NEGR1: variants seen among roughly 807,000 people sequenced by gnomAD.
NEGR1 encodes neuronal growth regulator 1, also known as IgLON family member 4.
NEGR1 carries 10 observed loss-of-function variants against 40.9 expected under a neutral mutation model. The ratio of observed to expected loss-of-function variants is 0.24; its 90% confidence interval spans 0.15 to 0.42. NEGR1 has a LOEUF of 0.42. Ranked by LOEUF, NEGR1 falls within the 10% of genes least tolerant of loss-of-function variation. The pLI is 1.00. For missense variants in NEGR1, 352 were observed against 438.9 expected (o/e 0.80, Z 1.77); for synonymous variants, 185 against 166.8 (o/e 1.11, Z -0.84).
chr1:71,438,441 A>G (rs570452607), intron 6 of NEGR1, among the ~76,000 whole-genome samples: 31 of 152,310 alleles, frequency 2.0e-4, no homozygotes, highest in African/African-American at 7.2e-4. Context: ...TACTCTGCAT[A>G]ATAATAAGCT....
At chr1:72,152,671 C>G (rs557021992) in intron 1 of NEGR1, among the ~76,000 whole-genome samples, 7 of 151,876 alleles carry the variant, frequency 4.6e-5, no homozygotes, top group Non-Finnish European at 1.0e-4. Context: ...TAAGCATGTA[C>G]TTATATGTTC....
At chr1:71,876,296 T>C (rs1297743324) in intron 2 of NEGR1, among the ~76,000 whole-genome samples, 1 of 152,040 alleles carries the variant, frequency 6.6e-6, no homozygotes, top group Non-Finnish European at 1.5e-5. Flanking sequence ...GGATCACTTG[T>C]GCTCAGGAGT....
chr1:72,207,928 A>T (rs1653468852), intron 1 of NEGR1, among the ~76,000 whole-genome samples: 1 of 151,806 alleles, frequency 6.6e-6, no homozygotes, highest in African/African-American at 2.4e-5. Context: ...AAAATTTTTC[A>T]ATAATTTTGA....
At chr1:72,244,237 T>C (rs563382224) in intron 1 of NEGR1, among the ~76,000 whole-genome samples, 1 of 151,972 alleles carries the variant, frequency 6.6e-6, no homozygotes, top group South Asian at 2.1e-4. Flanking sequence ...AATTGTAAGA[T>C]ATACACCTTT....
intron 6 of NEGR1, among the ~76,000 whole-genome samples, chr1:71,434,814 G>A (rs544930882): frequency 2.0e-4 from 30 of 152,280 alleles, no homozygotes; most frequent in Non-Finnish European, 3.2e-4. Context: ...GGGGGAGGCC[G>A]GGCGCGGTGG....
chr1:71,952,032 G>A (rs890987084), intron 1 of NEGR1, among the ~76,000 whole-genome samples: 1 of 151,492 alleles, frequency 6.6e-6, no homozygotes, highest in African/African-American at 2.4e-5. Flanking sequence ...CTCTCTCCTT[G>A]GGCCTTTCTA....
At chr1:71,759,535 G>A (rs1394501111) in intron 3 of NEGR1, among the ~76,000 whole-genome samples, 3 of 144,052 alleles carry the variant, frequency 2.1e-5, no homozygotes, top group Non-Finnish European at 3.0e-5. Flanking sequence ...CTGATCTCGC[G>A]ATCCACTCGC....
chr1:71,914,733 A>G (rs888547237), intron 2 of NEGR1, among the ~76,000 whole-genome samples: 5 of 152,082 alleles, frequency 3.3e-5, no homozygotes, highest in Admixed American at 3.3e-4. Context: ...GAGGATTGAG[A>G]GCTACCACAG....
At chr1:71,901,666 A>ATT (rs33958971) in intron 2 of NEGR1, among the ~76,000 whole-genome samples, 45 of 115,850 alleles carry the variant, frequency 3.9e-4, no homozygotes, top group Middle Eastern at 5.1e-3. Flanking sequence ...TGAGATATAA[A>ATT]TTTTTTTTTT....
intron 1 of NEGR1, among the ~76,000 whole-genome samples, chr1:71,953,724 C>G (rs1646093304): frequency 6.6e-6 from 1 of 151,984 alleles, no homozygotes; most frequent in Non-Finnish European, 1.5e-5. Flanking sequence ...AACCACCACT[C>G]TGACCAGTCA....
chr1:72,061,854 C>T (rs1232254072), intron 1 of NEGR1, among the ~76,000 whole-genome samples: 2 of 151,686 alleles, frequency 1.3e-5, no homozygotes, highest in Admixed American at 6.6e-5. Flanking sequence ...GGATTGTGAA[C>T]GATGCCCACC....
At chr1:71,696,745 C>T (rs1653486599) in intron 4 of NEGR1, among the ~76,000 whole-genome samples, 1 of 151,808 alleles carries the variant, frequency 6.6e-6, no homozygotes, top group Non-Finnish European at 1.5e-5. Context: ...TCTTAAAATT[C>T]AGGTTTCCAG....
At chr1:72,104,524 T>A (rs1303417816) in intron 1 of NEGR1, among the ~76,000 whole-genome samples, 5 of 152,124 alleles carry the variant, frequency 3.3e-5, no homozygotes, top group Non-Finnish European at 7.4e-5. Context: ...CTTTGACACC[T>A]TAATTTTAGC....
chr1:72,001,540 C>T (rs1454749915), intron 1 of NEGR1, among the ~76,000 whole-genome samples: 1 of 150,934 alleles, frequency 6.6e-6, no homozygotes, highest in Non-Finnish European at 1.5e-5. Flanking sequence ...AATATTTTGT[C>T]CTTGCTACAA....
At chr1:71,961,610 C>T (rs1393649735) in intron 1 of NEGR1, among the ~76,000 whole-genome samples, 2 of 151,840 alleles carry the variant, frequency 1.3e-5, no homozygotes, top group African/African-American at 2.4e-5. Flanking sequence ...ATCATTAACA[C>T]AGGTGAAGCA....
intron 6 of NEGR1, among the ~76,000 whole-genome samples, chr1:71,543,919 T>C (rs566519569): frequency 6.6e-6 from 1 of 151,870 alleles, no homozygotes; most frequent in South Asian, 2.1e-4. Flanking sequence ...GTTTAGCCAT[T>C]AAAACCATAT....
chr1:71,974,993 G>T (rs2100326241), intron 1 of NEGR1, among the ~76,000 whole-genome samples: 1 of 152,286 alleles, frequency 6.6e-6, no homozygotes, highest in East Asian at 1.9e-4. Flanking sequence ...AAGACATCAT[G>T]CTAATAGAAT....
At chr1:72,215,400 A>G (rs1653763344) in intron 1 of NEGR1, among the ~76,000 whole-genome samples, 3 of 152,186 alleles carry the variant, frequency 2.0e-5, no homozygotes, top group Non-Finnish European at 4.4e-5. Context: ...CTGCACAGTA[A>G]CAGAAATTAT....
intron 6 of NEGR1, among the ~76,000 whole-genome samples, chr1:71,552,960 A>G (rs1023252403): frequency 5.9e-5 from 9 of 151,550 alleles, no homozygotes; most frequent in African/African-American, 2.2e-4. Flanking sequence ...GGACATATAG[A>G]AACTTTTCTA....
Sources: allele counts gnomAD v4.1 joint callset (sites outside exome capture counted in the v4.1 genomes callset), GRCh38; gene constraint gnomAD v4.1.1; transcripts MANE v1.5; gene names NCBI Gene and HGNC (gene_info 2026-07-23, HGNC 2026-07-21).